ANKRD17: variants seen among roughly 807,000 people sequenced by gnomAD.
The protein encoded by ANKRD17 is ankyrin repeat domain 17, also known as ankyrin repeat domain-containing protein 17.
In ANKRD17, 19 loss-of-function variants were observed where a neutral mutation model predicts 229.7. The observed-to-expected ratio is 0.08, with a 90% CI of 0.06 to 0.12. The LOEUF (loss-of-function observed/expected upper bound fraction) is 0.12, where lower values mean the gene tolerates loss of function less well. Ranked by LOEUF, ANKRD17 falls within the 10% of genes least tolerant of loss-of-function variation. The pLI, the probability that ANKRD17 is intolerant of heterozygous loss-of-function variation, is 1.00. For missense variants in ANKRD17, 2,176 were observed against 3,176.8 expected, an observed-to-expected ratio of 0.68 and a Z score of 7.57; for synonymous variants, 1,112 against 1,146.1, an observed-to-expected ratio of 0.97 and a Z score of 0.60.
chr4:73,141,413 G>A (rs369868124), intron 14 of ANKRD17, among the ~76,000 whole-genome samples: 2 of 152,132 alleles, frequency 1.3e-5, no homozygotes, highest in Non-Finnish European at 1.5e-5. Flanking sequence ...TAACTGCAGA[G>A]ATTTAGGTAA....
chr4:73,129,849 G>A (rs1018660055), intron 16 of ANKRD17, among the ~76,000 whole-genome samples: 5 of 148,112 alleles, frequency 3.4e-5, no homozygotes, highest in Admixed American at 2.8e-4. Context: ...TGCAAGCTCC[G>A]TCTCCCAGGT....
intron 2 of ANKRD17, among the ~76,000 whole-genome samples, chr4:73,167,683 G>A (rs1012298160): frequency 1.4e-4 from 21 of 152,068 alleles, no homozygotes; most frequent in Admixed American, 1.2e-3. Context: ...TCAAATTGCC[G>A]GAAAATGCTA....
At chr4:73,090,057 T>C (rs1209063405) in intron 29 of ANKRD17, among the ~76,000 whole-genome samples, 1 of 152,172 alleles carries the variant, frequency 6.6e-6, no homozygotes, top group Non-Finnish European at 1.5e-5. Context: ...TTGTAATAAA[T>C]GTAAACTTTT....
At chr4:73,233,384 A>G (rs60190643) in intron 1 of ANKRD17, among the ~76,000 whole-genome samples, 90,840 of 152,002 alleles carry the variant, frequency 0.6, 27,513 homozygotes, top group African/African-American at 0.69. Flanking sequence ...AGCCCATTTT[A>G]TACATTTTCT....
chr4:73,103,163 T>G (rs1299337717), intron 24 of ANKRD17, among the ~76,000 whole-genome samples: 1 of 151,824 alleles, frequency 6.6e-6, no homozygotes. Context: ...ACCGTAAGTA[T>G]TATAAATATG....
chr4:73,076,187 C>A lies in ANKRD17; in HGVS notation c.*44G>T. The A allele has an allele frequency of 6.4e-7, 1 of 1,566,684 alleles. No individual in the cohort carries two copies. Among genetic ancestry groups the A allele is most frequent in the Non-Finnish European group, 8.6e-7 (1 of 1,157,140 alleles). ...TTTTTTTTTCGGCCACTTGTGATTT[C>A]CTCCAAATGAAAAGGAATCTGCAGG... is the stretch of plus-strand genomic sequence containing the variant. On this transcript the variant is annotated 3_prime_UTR_variant, in exon 34 of 34. Coordinates refer to ENST00000358602, the MANE Select transcript of ANKRD17 (RefSeq NM_032217.5).
At position 73,115,527 on chromosome 4, in the gene ANKRD17, C is replaced by T. The variant is rs1725841297; in HGVS notation, c.4284+294G>A. On this transcript the variant is annotated intron_variant, in intron 23 of 33. Transcript: ENST00000358602. ...CTGGTCTTGAACTCCTGGGCTCATGCAATCCACCTGCCTCGGCCTCCCAAA... is the reference window on the plus strand; with the variant it reads ...CTGGTCTTGAACTCCTGGGCTCATGTAATCCACCTGCCTCGGCCTCCCAAA... Among the ~76,000 whole-genome samples the T allele has an allele frequency of 2.0e-5, 3 of 152,186 alleles. No homozygotes were observed. In the South Asian group the frequency reaches 6.2e-4, roughly 32 times the overall value.
intron 5 of ANKRD17, among the ~76,000 whole-genome samples, chr4:73,154,479 C>CT (rs1243326439): frequency 2.6e-5 from 4 of 151,820 alleles, no homozygotes; most frequent in East Asian, 1.9e-4. Context: ...GCTTCACAAG[C>CT]TTTTTTTTAA....
rs569237927 is a variant in ANKRD17 at position 73,258,394 on chromosome 4, C to G, written c.275G>C (p.Ser92Thr). The G allele has an allele frequency of 1.9e-5, 31 of 1,611,340 alleles. 2 individuals are homozygous for G. The South Asian group carries it at 3.4e-4, about 18-fold the overall frequency. The stretch of plus-strand genomic sequence containing the variant: ...GCCTCCACCGCCGCCGCTGTTGTCG[C>G]TGTCGCTGCTGCTTTCGCTGCTGCT... ...PPSSSESSSD[S>T]DNSGGGGGGG... The change falls in exon 1 of 34, where the codon AGC becomes ACC. Residue 92 changes from serine to threonine, a missense_variant. Around this residue, in one of 18 missense-constraint regions of ANKRD17, gnomAD observed 196 missense variants for 190.0 expected, o/e 1.03. Transcript: ENST00000358602.
At chr4:73,155,887 C>T in intron 4 of ANKRD17, 109 bp from the exon 5 acceptor site, 3 of 1,475,316 alleles carry the variant, frequency 2.0e-6, no homozygotes, top group Non-Finnish European at 2.7e-6. Context: ...GCTATAAGCA[C>T]ACAAAATTTA....
At chr4:73,089,709 AGTT>A (rs1722577021) in intron 29 of ANKRD17, among the ~76,000 whole-genome samples, 1 of 152,154 alleles carries the variant, frequency 6.6e-6, no homozygotes, top group South Asian at 2.1e-4. Flanking sequence ...TAAAGTAAAA[AGTT>A]TTTTTTAAAA....
chr4:73,251,828 C>T (rs1187232273), intron 1 of ANKRD17, among the ~76,000 whole-genome samples: 1 of 152,142 alleles, frequency 6.6e-6, no homozygotes, highest in African/African-American at 2.4e-5. Flanking sequence ...TCCTAATCAA[C>T]TAGATGGCAT....
intron 1 of ANKRD17, among the ~76,000 whole-genome samples, chr4:73,235,467 G>A (rs541162342): frequency 2.6e-5 from 4 of 152,310 alleles, no homozygotes; most frequent in African/African-American, 9.6e-5. Flanking sequence ...TAGAGCTAAT[G>A]AGGTCCTTTT....
chr4:73,245,550 A>G (rs928092573), intron 1 of ANKRD17, among the ~76,000 whole-genome samples: 1 of 152,130 alleles, frequency 6.6e-6, no homozygotes, highest in Non-Finnish European at 1.5e-5. Flanking sequence ...CCTTGCCCAC[A>G]ATCTTCTCCC....
intron 21 of ANKRD17, among the ~76,000 whole-genome samples, chr4:73,119,691 T>C (rs1199828347): frequency 1.3e-5 from 2 of 152,200 alleles, no homozygotes; most frequent in Admixed American, 6.5e-5. Flanking sequence ...ACAAGCATCT[T>C]TGGAAAACTA....
At position 73,142,329 on chromosome 4, in the gene ANKRD17, G is replaced by A; in HGVS notation, c.2142C>T (p.Cys714=). The A allele has an allele frequency of 6.3e-7, 1 of 1,582,884 alleles. No individual in the cohort carries two copies. The change falls in exon 13 of 34, where the codon TGC becomes TGT. Residue 714 remains cysteine, a synonymous_variant. Coordinates refer to ENST00000358602, the MANE Select transcript of ANKRD17 (RefSeq NM_032217.5). ...AAKGGHTSVV[C]YLLDYPNNLL... ...AGTTATTAGGATAATCCAAGAGATA[G>A]CAAACAACACTTGTATGGCCACCTT...
At chr4:73,132,096 A>G (rs1435094049) in intron 16 of ANKRD17, among the ~76,000 whole-genome samples, 3 of 151,838 alleles carry the variant, frequency 2.0e-5, no homozygotes, top group South Asian at 4.1e-4. Context: ...CCTGCTTGAT[A>G]TAAAAACTAG....
At chr4:73,100,880 G>C (rs1260518407) in intron 25 of ANKRD17, 18 of 985,102 alleles carry the variant, frequency 1.8e-5, no homozygotes, top group Non-Finnish European at 2.2e-5. Context: ...CATATTTTTG[G>C]TGGTTTCATG....
At chr4:73,181,357 AAT>A (rs1735517191) in intron 1 of ANKRD17, among the ~76,000 whole-genome samples, 2 of 152,184 alleles carry the variant, frequency 1.3e-5, no homozygotes, top group South Asian at 4.1e-4. Context: ...AATGAACCAT[AAT>A]ACAGGATAGA....
Sources: allele counts gnomAD v4.1 joint callset (sites outside exome capture counted in the v4.1 genomes callset), GRCh38; gene constraint gnomAD v4.1.1; regional missense constraint gnomAD v4.1.1; transcripts MANE v1.5; gene names NCBI Gene and HGNC (gene_info 2026-07-23, HGNC 2026-07-21).